The following SH3RF3 variants were observed in gnomAD, a reference collection of about 807,000 sequenced individuals.
The protein encoded by SH3RF3 is E3 ubiquitin-protein ligase SH3RF3.
A neutral mutation model predicts 66.3 loss-of-function variants in SH3RF3; 29 were observed. That is an observed-to-expected ratio of 0.44 (90% CI 0.33 to 0.60). The LOEUF (loss-of-function observed/expected upper bound fraction) is 0.60, where lower values mean the gene tolerates loss of function less well. SH3RF3 is among the 20% of genes least tolerant of loss of function. The pLI is 0.04. For missense variants in SH3RF3, 1,194 were observed against 1,190.9 expected, an observed-to-expected ratio of 1.00 and a Z score of -0.04; for synonymous variants, 583 against 532.0, an observed-to-expected ratio of 1.10 and a Z score of -1.32.
At chr2:109,148,609 A>G (rs1677152725) in intron 1 of SH3RF3, among the ~76,000 whole-genome samples, 2 of 152,216 alleles carry the variant, frequency 1.3e-5, no homozygotes, top group South Asian at 2.1e-4. Flanking sequence ...TCGATTATGT[A>G]TAATTAAAGA....
At chr2:109,499,008 CTG>C (rs1679323679) in intron 9 of SH3RF3, among the ~76,000 whole-genome samples, 1 of 152,178 alleles carries the variant, frequency 6.6e-6, no homozygotes, top group Admixed American at 6.5e-5. Context: ...GGCGTTTAGA[CTG>C]TGGCCCCTCC....
chr2:109,342,773 G>C (rs866928659), intron 1 of SH3RF3, among the ~76,000 whole-genome samples: 1 of 152,214 alleles, frequency 6.6e-6, no homozygotes, highest in African/African-American at 2.4e-5. Flanking sequence ...TTGTGCCCAC[G>C]TGAGCGCCAT....
chr2:109,501,426 C>T (rs917689515), intron 9 of SH3RF3, 77 bp from the exon 10 acceptor site: 20 of 646,412 alleles, frequency 3.1e-5, no homozygotes, highest in South Asian at 1.4e-4. Flanking sequence ...TAATTTACAC[C>T]GAGGGAAGAA....
chr2:109,169,353 G>A (rs372195938), intron 1 of SH3RF3, among the ~76,000 whole-genome samples: 69 of 142,758 alleles, frequency 4.8e-4, no homozygotes, highest in African/African-American at 1.8e-3. Context: ...AGCCCACCAA[G>A]TTTCAGGAAG....
At chr2:109,466,236 C>T (rs923830187) in intron 8 of SH3RF3, among the ~76,000 whole-genome samples, 2 of 152,050 alleles carry the variant, frequency 1.3e-5, no homozygotes, top group African/African-American at 4.8e-5. Context: ...GCGCGTGCCA[C>T]CACACCCAGC....
chr2:109,144,495 T>C (rs1320049274), intron 1 of SH3RF3, among the ~76,000 whole-genome samples: 5 of 152,246 alleles, frequency 3.3e-5, no homozygotes, highest in Admixed American at 6.5e-5. Flanking sequence ...CAGCTGTGGA[T>C]GTGCTGAGGC....
intron 1 of SH3RF3, among the ~76,000 whole-genome samples, chr2:109,224,464 G>A (rs566473024): frequency 6.6e-6 from 1 of 152,324 alleles, no homozygotes; most frequent in South Asian, 2.1e-4. Flanking sequence ...CAGCAGTGAT[G>A]GAAATGTCCT....
chr2:109,294,990 A>G (rs1433392905), intron 1 of SH3RF3, among the ~76,000 whole-genome samples: 1 of 152,250 alleles, frequency 6.6e-6, no homozygotes, highest in Non-Finnish European at 1.5e-5. Context: ...CATGGTAGCC[A>G]GGCCTTTTCC....
chr2:109,273,940 C>T (rs549094502), intron 1 of SH3RF3, among the ~76,000 whole-genome samples: 3 of 152,072 alleles, frequency 2.0e-5, no homozygotes, highest in Non-Finnish European at 2.9e-5. Context: ...TGCTTTAGGG[C>T]TATGTGACTT....
intron 1 of SH3RF3, among the ~76,000 whole-genome samples, chr2:109,235,182 AG>A (rs1279722747): frequency 6.6e-6 from 1 of 152,158 alleles, no homozygotes; most frequent in Non-Finnish European, 1.5e-5. Flanking sequence ...TCAGAGCGGG[AG>A]GAACCTGTCT....
chr2:109,364,027 T>A (rs1205241825), intron 2 of SH3RF3, among the ~76,000 whole-genome samples: 5 of 152,310 alleles, frequency 3.3e-5, no homozygotes, highest in African/African-American at 1.2e-4. Flanking sequence ...AATTCTCAGT[T>A]ATTATTGTTT....
intron 1 of SH3RF3, among the ~76,000 whole-genome samples, chr2:109,200,260 C>CT (rs1313401745): frequency 6.6e-6 from 1 of 152,144 alleles, no homozygotes; most frequent in East Asian, 1.9e-4. Context: ...GTAGTTGGGG[C>CT]TTTCAGCAAG....
chr2:109,129,552 AGCGT>A lies in SH3RF3; in HGVS notation c.13_16del (p.Ala5ProfsTer264), dbSNP rs1676627910. Reference sequence around the variant, plus strand: ...CGGGCGCCTCCCCCATGCTGCTCGGAGCGTCCTGGCTGTGCGCATCCAAGGCGGC... The same window carrying A: ...CGGGCGCCTCCCCCATGCTGCTCGGACCTGGCTGTGCGCATCCAAGGCGGC... On this transcript the variant is annotated frameshift_variant, in exon 1 of 10. Coordinates refer to ENST00000309415, the MANE Select transcript of SH3RF3 (RefSeq NM_001099289.3). LOFTEE classifies it high-confidence loss of function. 1 of 1,495,482 alleles carries A rather than the reference AGCGT, an allele frequency of 6.7e-7. No individual in the cohort carries two copies. Among genetic ancestry groups the A allele is most frequent in the Non-Finnish European group, 8.9e-7 (1 of 1,129,938 alleles). 92.6% of individuals were successfully genotyped at this position (1,495,482 alleles called of 1,614,324 possible).
intron 3 of SH3RF3, among the ~76,000 whole-genome samples, chr2:109,396,302 T>G (rs1166305988): frequency 6.6e-6 from 1 of 152,182 alleles, no homozygotes; most frequent in African/African-American, 2.4e-5. Flanking sequence ...TGAGCCTGGT[T>G]GGAGGAAACA....
At chr2:109,320,242 C>T (rs1405279914) in intron 1 of SH3RF3, among the ~76,000 whole-genome samples, 4 of 152,166 alleles carry the variant, frequency 2.6e-5, no homozygotes, top group African/African-American at 4.8e-5. Context: ...GGCTGCTTTC[C>T]GGGCAGAGGA....
chr2:109,501,977 T>G lies in SH3RF3; in HGVS notation c.*306T>G. On this transcript the variant is annotated 3_prime_UTR_variant, in exon 10 of 10. Transcript: ENST00000309415. ...GCGCAGGCAGGCCTGTGGCTGTGGTTTGCAGCCATGGCAGCGTTCTCATTT... is the reference window on the plus strand; with the variant it reads ...GCGCAGGCAGGCCTGTGGCTGTGGTGTGCAGCCATGGCAGCGTTCTCATTT... The G allele has an allele frequency of 6.2e-6, 2 of 321,176 alleles. No homozygotes were observed. The highest frequency in any genetic ancestry group is 5.6e-5 in the South Asian group (1 of 17,962). The allele number at this position is 321,176 out of a possible 1,614,324, so 19.9% of individuals were successfully genotyped here. A position where few individuals can be genotyped will look rare whatever the true frequency, so the allele number is the denominator to read the frequency against.
chr2:109,130,219 C>A, intron 1 of SH3RF3, 106 bp downstream of exon 1: 2 of 1,078,198 alleles, frequency 1.9e-6, no homozygotes, highest in Non-Finnish European at 1.2e-6. Flanking sequence ...ACGGGTGGTC[C>A]TGCGTTGGCC....
intron 3 of SH3RF3, among the ~76,000 whole-genome samples, chr2:109,381,853 G>A (rs984430070): frequency 1.3e-5 from 2 of 152,146 alleles, no homozygotes; most frequent in African/African-American, 2.4e-5. Context: ...AGGTTTGGGG[G>A]AAAGCTGTGC....
Position 109,129,865 on chromosome 2 carries a change from C to T in SH3RF3, c.325C>T (p.Pro109Ser). 4 of 1,525,596 alleles carry T rather than the reference C, an allele frequency of 2.6e-6. No homozygotes were observed. The highest frequency in any genetic ancestry group is 3.5e-6 in the Non-Finnish European group (4 of 1,141,308). 94.5% of individuals were successfully genotyped at this position (1,525,596 alleles called of 1,614,324 possible). Residue 109 changes from proline (P) to serine (S), a missense_variant, in exon 1 of 10, where the codon CCC (proline) becomes TCC (serine). Physicochemically the swap from Pro to Ser is moderately conservative, Grantham distance 74. Coordinates refer to ENST00000309415, the MANE Select transcript of SH3RF3 (RefSeq NM_001099289.3). ...GGTGGGCTGCGGCGTGGACGAACTG[C>T]CCGCCAACATCTTGCTGGTGCGACT... is the stretch of plus-strand genomic sequence containing the variant. ...ILVGCGVDELPANILLVRLLD... is the reference protein window; with the variant it reads ...ILVGCGVDELSANILLVRLLD...
Sources: allele counts gnomAD v4.1 joint callset (sites outside exome capture counted in the v4.1 genomes callset), GRCh38; gene constraint gnomAD v4.1.1; transcripts MANE v1.5; gene names NCBI Gene and HGNC (gene_info 2026-07-23, HGNC 2026-07-21).